Variants in ARHGAP22 observed in about 807,000 individuals in gnomAD.
ARHGAP22 encodes rho GTPase-activating protein 22.
In ARHGAP22, 48 loss-of-function variants were observed where a neutral mutation model predicts 59.1. The observed-to-expected ratio is 0.81, with a 90% CI of 0.64 to 1.03. The LOEUF (loss-of-function observed/expected upper bound fraction) is 1.03, where lower values mean the gene tolerates loss of function less well. ARHGAP22 is among the 50% of genes least tolerant of loss of function. The probability of loss-of-function intolerance (pLI) is 0.00; values close to 1 mark genes in which losing one functional copy is unlikely to be tolerated. For synonymous variants in ARHGAP22, 445 were observed against 416.4 expected (o/e 1.07, Z -0.84); for missense variants, 1,015 against 958.7 (o/e 1.06, Z -0.78).
chr10:48,631,913 C>T (rs2061641560), intron 1 of ARHGAP22, among the ~76,000 whole-genome samples: 1 of 152,116 alleles, frequency 6.6e-6, no homozygotes, highest in Non-Finnish European at 1.5e-5. Flanking sequence ...AATGAATACT[C>T]TTGGTTTTTG....
At chr10:48,579,300 A>C (rs993538408) in intron 2 of ARHGAP22, among the ~76,000 whole-genome samples, 3 of 152,242 alleles carry the variant, frequency 2.0e-5, no homozygotes, top group African/African-American at 7.2e-5. Flanking sequence ...CAGTGGAAAT[A>C]GACCAGGCTG....
chr10:48,496,854 G>A (rs1028292379), intron 3 of ARHGAP22, among the ~76,000 whole-genome samples: 14 of 152,176 alleles, frequency 9.2e-5, no homozygotes, highest in African/African-American at 3.4e-4. Flanking sequence ...GTACACCTCT[G>A]GAGATTGGGG....
At chr10:48,604,353 T>C (rs766070051) in intron 1 of ARHGAP22, among the ~76,000 whole-genome samples, 2 of 152,246 alleles carry the variant, frequency 1.3e-5, no homozygotes, top group African/African-American at 2.4e-5. Flanking sequence ...CAGCTGTCTC[T>C]AGAAGCCAGG....
chr10:48,504,610 G>A (rs1489413089), intron 3 of ARHGAP22, among the ~76,000 whole-genome samples: 1 of 152,206 alleles, frequency 6.6e-6, no homozygotes, highest in African/African-American at 2.4e-5. Flanking sequence ...GATGAGCAGG[G>A]GAGGCGGTTG....
chr10:48,486,073 A>G (rs1433405489), intron 3 of ARHGAP22, among the ~76,000 whole-genome samples: 1 of 151,778 alleles, frequency 6.6e-6, no homozygotes, highest in Non-Finnish European at 1.5e-5. Flanking sequence ...ACTTCATTCT[A>G]TCTGCTTTGT....
At chr10:48,497,478 G>A (rs1005304696) in intron 3 of ARHGAP22, among the ~76,000 whole-genome samples, 1 of 152,228 alleles carries the variant, frequency 6.6e-6, no homozygotes, top group African/African-American at 2.4e-5. Context: ...GATGCAGAAG[G>A]CAGAGGGGAA....
At chr10:48,478,296 T>C (rs1015978293) in intron 4 of ARHGAP22, among the ~76,000 whole-genome samples, 19 of 152,188 alleles carry the variant, frequency 1.2e-4, no homozygotes, top group African/African-American at 4.3e-4. Context: ...AGGCTGACAG[T>C]GTGATATCAT....
intron 3 of ARHGAP22, among the ~76,000 whole-genome samples, chr10:48,493,191 G>T (rs1436299032): frequency 6.6e-6 from 1 of 152,198 alleles, no homozygotes; most frequent in Non-Finnish European, 1.5e-5. Flanking sequence ...CTGCCTGTGT[G>T]TGTGGTGTTA....
intron 3 of ARHGAP22, among the ~76,000 whole-genome samples, chr10:48,545,629 A>G (rs1326048687): frequency 6.6e-6 from 1 of 152,168 alleles, no homozygotes. Context: ...GTGATCAGGG[A>G]TGCTCTGGGC....
intron 1 of ARHGAP22, 145 bp from the exon 2 acceptor site, chr10:48,583,297 T>C: frequency 1.1e-6 from 1 of 946,346 alleles, no homozygotes; most frequent in Non-Finnish European, 1.6e-6. Flanking sequence ...TACTTCCCCT[T>C]GGCATTGAAG....
chr10:48,584,148 C>T (rs867039635), intron 1 of ARHGAP22, among the ~76,000 whole-genome samples: 1 of 152,212 alleles, frequency 6.6e-6, no homozygotes, highest in South Asian at 2.1e-4. Context: ...TGTAATCACA[C>T]CTGTAATTCT....
intron 3 of ARHGAP22, among the ~76,000 whole-genome samples, chr10:48,534,990 C>A (rs1375706307): frequency 1.3e-5 from 2 of 152,198 alleles, no homozygotes; most frequent in Non-Finnish European, 2.9e-5. Context: ...ATGAACTAGG[C>A]CCATCTGGTG....
intron 3 of ARHGAP22, among the ~76,000 whole-genome samples, chr10:48,491,914 C>T (rs4838605): frequency 0.38 from 58,169 of 152,194 alleles, 12,002 homozygotes; most frequent in East Asian, 0.9. Flanking sequence ...ACTTTTCTCA[C>T]TGCTTCTGCC....
chr10:48,444,747 C>G (rs1205655480), downstream of ARHGAP22: 5 of 152,238 alleles, frequency 3.3e-5, no homozygotes, highest in African/African-American at 7.2e-5. Context: ...TGTTCCCACC[C>G]AATTTCTCCA....
Position 48,541,819 on chromosome 10 carries a change from C to T in ARHGAP22, c.322+13644G>A, listed in dbSNP as rs1590055935. On this transcript the variant is annotated intron_variant, in intron 3 of 9. Transcript: ENST00000249601. ...TGAAGTTTGATCACCTAATTGGGAC[C>T]CTGGCCTCGATCTGCAAGGATGAAG... is the stretch of plus-strand genomic sequence containing the variant. Among the ~76,000 whole-genome samples the T allele has an allele frequency of 3.9e-5, 6 of 152,312 alleles. 1 individual carries two copies. Among genetic ancestry groups the T allele is most frequent in the Admixed American group, 3.9e-4 (6 of 15,310 alleles).
At chr10:48,471,206 C>T (rs1363668179) in intron 4 of ARHGAP22, among the ~76,000 whole-genome samples, 2 of 152,156 alleles carry the variant, frequency 1.3e-5, no homozygotes, top group African/African-American at 4.8e-5. Flanking sequence ...GATTCCCACA[C>T]AGCCAGGCCA....
intron 3 of ARHGAP22, chr10:48,532,884 A>T (rs2054993188): frequency 6.6e-6 from 1 of 152,172 alleles, no homozygotes; most frequent in Admixed American, 6.5e-5. Context: ...TTGAGGGCCT[A>T]CTTTGCGCCA....
At chr10:48,433,294 T>C in the ARHGAP22 span, among the ~76,000 whole-genome samples, 2 of 152,192 alleles carry the variant, frequency 1.3e-5, no homozygotes, top group Non-Finnish European at 2.9e-5. Context: ...GGTAAAATAA[T>C]AGACCCTGAA....
chr10:48,528,318 G>A (rs1413686701), intron 3 of ARHGAP22, among the ~76,000 whole-genome samples: 1 of 152,156 alleles, frequency 6.6e-6, no homozygotes, highest in East Asian at 1.9e-4. Flanking sequence ...CAGAGGAAGG[G>A]AATAAATGGG....
Sources: allele counts gnomAD v4.1 joint callset (sites outside exome capture counted in the v4.1 genomes callset), GRCh38; gene constraint gnomAD v4.1.1; transcripts MANE v1.5; gene names NCBI Gene and HGNC (gene_info 2026-07-23, HGNC 2026-07-21).